Variants in DNAJC17 observed in about 807,000 individuals in gnomAD.
DNAJC17 encodes DnaJ heat shock protein family (Hsp40) member C17.
In DNAJC17, 35 loss-of-function variants were observed where a neutral mutation model predicts 48.1. That is an observed-to-expected ratio of 0.73 (90% CI 0.56 to 0.96). DNAJC17 has a LOEUF of 0.96. DNAJC17 is among the 50% of genes least tolerant of loss of function. DNAJC17 has a pLI of 0.00. For synonymous variants in DNAJC17, 117 were observed against 142.7 expected (o/e 0.82, Z 1.28); for missense variants, 355 against 377.1 (o/e 0.94, Z 0.48).
In DNAJC17 at chr15:40,770,881, T is replaced by C. The variant is rs1255943742; in HGVS notation, c.793-2819A>G. The C allele has an allele frequency of 1.3e-6, 2 of 1,551,442 alleles. No individual in the cohort carries two copies. The highest frequency in any genetic ancestry group is 3.9e-5 in the Admixed American group (2 of 50,994). On this transcript the variant is annotated intron_variant, in intron 10 of 10. Transcript: ENST00000220496. The surrounding 1 kb of genome is among the most constrained non-coding windows in gnomAD (Gnocchi z 5.0). ...CACCAGCACTCAGAGAAGGGCCTTG[T>C]GGACACTCCCTGCTTCCAGAGGACA...
rs1345429856 is a variant in DNAJC17 at position 40,770,571 on chromosome 15, C to T, written c.793-2509G>A. 6.4e-7 allele frequency: 1 copy of T among 1,550,702 alleles called. No homozygotes were observed. The highest frequency in any genetic ancestry group is 8.7e-7 in the Non-Finnish European group (1 of 1,146,972). ...GCTGAGCCTGGGGCGGCCACGGCGG[C>T]TCCGGCGACAGAGTAGTGTGCTTAG... is the stretch of plus-strand genomic sequence containing the variant. On this transcript the variant is annotated intron_variant, in intron 10 of 10. Coordinates refer to ENST00000220496, the MANE Select transcript of DNAJC17 (RefSeq NM_018163.3). The surrounding 1 kb of genome is among the most constrained non-coding windows in gnomAD (Gnocchi z 5.0).
At chr15:40,790,365 G>A (rs1324747080) in intron 1 of DNAJC17, among the ~76,000 whole-genome samples, 1 of 152,172 alleles carries the variant, frequency 6.6e-6, no homozygotes, top group African/African-American at 2.4e-5. Flanking sequence ...CTTGAGGTCA[G>A]GAGTTTGAGA....
At chr15:40,772,146 T>C (rs1889163858) in intron 10 of DNAJC17, 2 of 166,944 alleles carry the variant, frequency 1.2e-5, no homozygotes, top group Non-Finnish European at 2.9e-5. Flanking sequence ...GATTAGACAG[T>C]TCTGCCGCCT....
intron 1 of DNAJC17, among the ~76,000 whole-genome samples, chr15:40,787,689 G>A (rs1421336202): frequency 6.6e-6 from 1 of 152,106 alleles, no homozygotes; most frequent in Admixed American, 6.6e-5. Context: ...CCCAGAGCAG[G>A]GGAGGAGGGC....
At chr15:40,775,510 C>T (rs762301615) in intron 7 of DNAJC17, 43 bp downstream of exon 7, 14 of 1,604,220 alleles carry the variant, frequency 8.7e-6, no homozygotes, top group Middle Eastern at 2.0e-4. Flanking sequence ...TGAGGGGAGG[C>T]GGTGTGAGTG....
chr15:40,780,778 C>A (rs1889463292), intron 1 of DNAJC17, among the ~76,000 whole-genome samples: 1 of 151,592 alleles, frequency 6.6e-6, no homozygotes, highest in Non-Finnish European at 1.5e-5. Flanking sequence ...CGCACCACTA[C>A]ACTCCGGCCT....
intron 10 of DNAJC17, among the ~76,000 whole-genome samples, chr15:40,773,135 G>A (rs1226000675): frequency 6.6e-6 from 1 of 151,946 alleles, no homozygotes; most frequent in Non-Finnish European, 1.5e-5. Flanking sequence ...TGATTTTTGT[G>A]TTTTTGTAGA....
intron 1 of DNAJC17, among the ~76,000 whole-genome samples, chr15:40,783,525 G>A (rs918068676): frequency 1.3e-5 from 2 of 152,192 alleles, no homozygotes; most frequent in African/African-American, 4.8e-5. Flanking sequence ...AGGGATGTAG[G>A]GGGGTTTTGT....
chr15:40,773,871 G>C (rs746953884), intron 9 of DNAJC17, 34 bp from the exon 10 acceptor site: 16 of 1,582,132 alleles, frequency 1.0e-5, no homozygotes, highest in Non-Finnish European at 1.3e-5. Context: ...TGTCCCATCC[G>C]TTGAGTCAGC....
chr15:40,776,732 G>C, intron 4 of DNAJC17, 105 bp from the exon 5 acceptor site: 1 of 1,095,476 alleles, frequency 9.1e-7, no homozygotes, highest in Non-Finnish European at 1.4e-6. Context: ...ATCACGACGA[G>C]ATCATACAGT....
At chr15:40,775,200 CCCTCCAAG>C (rs2141948572) in intron 7 of DNAJC17, 92 bp from the exon 8 acceptor site, 1 of 1,372,382 alleles carries the variant, frequency 7.3e-7, no homozygotes, top group East Asian at 2.3e-5. Flanking sequence ...CATCCTCCCA[CCCTCCAAG>C]CCTCCAAGGC....
At chr15:40,799,027 G>A (rs959176665) in intron 1 of DNAJC17, among the ~76,000 whole-genome samples, 1 of 152,040 alleles carries the variant, frequency 6.6e-6, no homozygotes, top group Admixed American at 6.6e-5. Flanking sequence ...AGACCATCCT[G>A]GCTAACACGG....
rs141234300 is a variant in DNAJC17 at position 40,767,975 on chromosome 15, T to A, written c.880A>T (p.Met294Leu). 6.2e-6 allele frequency: 10 copies of A among 1,611,914 alleles called. No homozygotes were observed. The highest frequency in any genetic ancestry group is 8.5e-6 in the Non-Finnish European group (10 of 1,179,458). The change falls in exon 11 of 11, where the codon ATG (methionine) becomes TTG (leucine). Residue 294 changes from methionine (M) to leucine (L), a missense_variant. Met to Leu is a conservative substitution (Grantham distance 15). Transcript: ENST00000220496. ...GGCCCCTCCTGGTCTTCCTGCTGCA[T>A]CCGTGCGATCAGCTGTTGCCGCTCG... ...AAERQQLIAR[M>L]QQEDQEGPPT
chr15:40,798,276 G>A (rs1889989016), intron 1 of DNAJC17, among the ~76,000 whole-genome samples: 1 of 152,176 alleles, frequency 6.6e-6, no homozygotes, highest in African/African-American at 2.4e-5. Flanking sequence ...CCATTTATAT[G>A]AGGTTCATAG....
intron 1 of DNAJC17, among the ~76,000 whole-genome samples, chr15:40,801,737 C>CAAAAAAAAA (rs1048222450): frequency 1.9e-4 from 12 of 63,820 alleles, no homozygotes; most frequent in African/African-American, 4.6e-4. Context: ...GACTCCGTCT[C>CAAAAAAAAA]AAAAAAAAAA....
At chr15:40,777,137 G>T (rs1464271647) in intron 4 of DNAJC17, among the ~76,000 whole-genome samples, 6 of 152,280 alleles carry the variant, frequency 3.9e-5, no homozygotes, top group Admixed American at 3.9e-4. Flanking sequence ...CATCACCCCG[G>T]GTCCTGGATT....
rs1241591792 is a variant in DNAJC17, at chr15:40,766,404, C to A, written c.*1536G>T. The stretch of plus-strand genomic sequence containing the variant: ...TCTTCCTAATGCCTCCATGTCTAAA[C>A]TGTGACTACTGCTTCCATTCCTCCT... On this transcript the variant is annotated 3_prime_UTR_variant, in exon 11 of 11. Coordinates refer to ENST00000220496, the MANE Select transcript of DNAJC17 (RefSeq NM_018163.3). 6.6e-6 allele frequency: 1 copy of A among 152,456 alleles called. No individual in the cohort carries two copies. Among genetic ancestry groups the A allele is most frequent in the Non-Finnish European group, 1.5e-5 (1 of 68,188 alleles). The allele number at this position is 152,456 out of a possible 1,614,324, so 9.4% of individuals were successfully genotyped here.
intron 1 of DNAJC17, among the ~76,000 whole-genome samples, chr15:40,781,309 C>T (rs1427291528): frequency 2.6e-5 from 4 of 151,720 alleles, no homozygotes; most frequent in Non-Finnish European, 2.9e-5. Flanking sequence ...AGACCAGCCT[C>T]GCCAACAAAG....
intron 1 of DNAJC17, among the ~76,000 whole-genome samples, chr15:40,782,562 C>T (rs1316924748): frequency 6.6e-6 from 1 of 152,106 alleles, no homozygotes; most frequent in African/African-American, 2.4e-5. Context: ...TCCTCTGCCT[C>T]CAAGGCCTTT....
Sources: gnomAD v4.1 joint callset for allele counts (sites outside exome capture counted in the v4.1 genomes callset) on GRCh38, gnomAD v4.1.1 for gene constraint, Gnocchi (gnomAD v3.1) non-coding constraint, MANE v1.5 for transcripts, NCBI Gene and HGNC (gene_info 2026-07-23, HGNC 2026-07-21) for gene names.